Variants in NCOA2 observed in about 807,000 individuals in gnomAD.
NCOA2 encodes class E basic helix-loop-helix protein 75.
In NCOA2, 21 loss-of-function variants were observed where a neutral mutation model predicts 145.1. That is an observed-to-expected ratio of 0.14 (90% CI 0.10 to 0.21). NCOA2 has a LOEUF of 0.21. Ranked by LOEUF, NCOA2 falls within the 10% of genes least tolerant of loss-of-function variation. NCOA2 has a pLI of 1.00. For missense variants in NCOA2, 1,472 were observed against 1,837.6 expected (o/e 0.80, Z 3.64); for synonymous variants, 619 against 637.5 (o/e 0.97, Z 0.44).
At chr8:70,192,129 G>T (rs1816760729) in intron 4 of NCOA2, among the ~76,000 whole-genome samples, 1 of 152,194 alleles carries the variant, frequency 6.6e-6, no homozygotes, top group Non-Finnish European at 1.5e-5. Context: ...GTATTTCAAA[G>T]AATACATTTC....
intron 4 of NCOA2, among the ~76,000 whole-genome samples, chr8:70,198,533 G>T (rs1280746183): frequency 2.0e-5 from 3 of 152,196 alleles, no homozygotes; most frequent in African/African-American, 2.4e-5. Flanking sequence ...AAAGTTAATG[G>T]TGATAGCAGC....
chr8:70,143,588 A>T (rs1810700805), intron 13 of NCOA2, among the ~76,000 whole-genome samples: 1 of 152,210 alleles, frequency 6.6e-6, no homozygotes, highest in Admixed American at 6.5e-5. Flanking sequence ...TATTTGCTGA[A>T]GGAAAAAGTT....
intron 22 of NCOA2, among the ~76,000 whole-genome samples, chr8:70,120,155 A>T (rs1360950343): frequency 1.3e-5 from 2 of 152,186 alleles, no homozygotes; most frequent in Admixed American, 6.5e-5. Context: ...TATATTATAG[A>T]TATTAGTCCC....
intron 2 of NCOA2, among the ~76,000 whole-genome samples, chr8:70,289,298 C>T (rs746715361): frequency 9.2e-5 from 14 of 152,186 alleles, no homozygotes; most frequent in African/African-American, 3.1e-4. Flanking sequence ...CCACTACTCT[C>T]TATATTCTAG....
intron 22 of NCOA2, among the ~76,000 whole-genome samples, chr8:70,117,376 T>C (rs1335122135): frequency 1.3e-5 from 2 of 152,340 alleles, no homozygotes; most frequent in Non-Finnish European, 2.9e-5. Flanking sequence ...GCACTATCCC[T>C]GGTAAATTCG....
intron 2 of NCOA2, among the ~76,000 whole-genome samples, chr8:70,244,056 G>A (rs887547376): frequency 1.3e-5 from 2 of 151,984 alleles, no homozygotes; most frequent in African/African-American, 2.4e-5. Flanking sequence ...AAAAGACAGC[G>A]AGAATTAATT....
At chr8:70,261,583 A>T (rs924073070) in intron 2 of NCOA2, among the ~76,000 whole-genome samples, 29 of 152,156 alleles carry the variant, frequency 1.9e-4, no homozygotes, top group Middle Eastern at 6.8e-3. Context: ...CTAAAACTTA[A>T]AGTATAATAA....
chr8:70,142,954 GTTTT>G (rs757671722), intron 13 of NCOA2, among the ~76,000 whole-genome samples: 1 of 140,466 alleles, frequency 7.1e-6, no homozygotes, highest in Admixed American at 7.1e-5. Context: ...TGTTTTTTTT[GTTTT>G]TTTTTTTTTG....
At chr8:70,226,006 CAT>C (rs1254912415) in intron 2 of NCOA2, among the ~76,000 whole-genome samples, 1 of 151,784 alleles carries the variant, frequency 6.6e-6, no homozygotes, top group African/African-American at 2.4e-5. Flanking sequence ...ATTTAATAAA[CAT>C]AAACTGTTAT....
rs373439127 is a variant in NCOA2 at position 70,401,088 on chromosome 8, AACACACACACACAT to A, written c.-77+2598_-77+2611del. ...CCTAACCTCACCAACAAAGAACAGG[AACACACACACACAT>A]ACACACACACACACGCGCACACACA... is the stretch of plus-strand genomic sequence containing the variant. On this transcript the variant is annotated intron_variant, in intron 1 of 22. Coordinates refer to ENST00000452400, the MANE Select transcript of NCOA2 (RefSeq NM_006540.4). Among the ~76,000 whole-genome samples the A allele has an allele frequency of 3.6e-3, 545 of 152,018 alleles. 3 individuals are homozygous for A. The highest frequency in any genetic ancestry group is 0.013 in the African/African-American group (526 of 41,460).
chr8:70,158,614 G>A (rs2132280921), intron 10 of NCOA2, among the ~76,000 whole-genome samples: 1 of 152,284 alleles, frequency 6.6e-6, no homozygotes, highest in South Asian at 2.1e-4. Flanking sequence ...GATCACTCAA[G>A]GCTGGCGCAT....
the NCOA2 span, among the ~76,000 whole-genome samples, chr8:70,436,503 T>C: frequency 6.6e-6 from 1 of 152,216 alleles, no homozygotes; most frequent in African/African-American, 2.4e-5. Flanking sequence ...CGTGTTCCCA[T>C]ATCAGTAAGC....
In NCOA2 at chr8:70,156,035, C is replaced by T. The variant is rs763468289; in HGVS notation, c.2330G>A (p.Ser777Asn). 6.2e-7 allele frequency: 1 copy of T among 1,606,842 alleles called. No individual in the cohort carries two copies. Among genetic ancestry groups the T allele is most frequent in the Non-Finnish European group, 8.5e-7 (1 of 1,177,808 alleles). ...TTTCATTGCTATTAATTTTGTGTTACTGGCAGGATCTGTCTTACTGTCCAG... is the reference window on the plus strand; with the variant it reads ...TTTCATTGCTATTAATTTTGTGTTATTGGCAGGATCTGTCTTACTGTCCAG... The part of the protein sequence containing the change: ...ERLDSKTDPA[S>N]NTKLIAMKTE... Residue 777 changes from serine (S) to asparagine (N), a missense_variant, in exon 11 of 23, where the codon AGT becomes AAT. By Grantham distance (46) the Ser-to-Asn change is conservative. Around this residue, in one of 4 missense-constraint regions of NCOA2, gnomAD observed 953 missense variants for 1,062.1 expected, o/e 0.90. Coordinates refer to ENST00000452400, the MANE Select transcript of NCOA2 (RefSeq NM_006540.4).
chr8:70,234,351 C>T (rs1821412828), intron 2 of NCOA2, among the ~76,000 whole-genome samples: 1 of 152,186 alleles, frequency 6.6e-6, no homozygotes, highest in Non-Finnish European at 1.5e-5. Flanking sequence ...CAGATGTATG[C>T]TTTCCATTCT....
intron 2 of NCOA2, among the ~76,000 whole-genome samples, chr8:70,280,015 C>A (rs1479782024): frequency 6.6e-6 from 1 of 152,186 alleles, no homozygotes; most frequent in African/African-American, 2.4e-5. Context: ...ACACTTGCAG[C>A]CAAGGAGTCC....
chr8:70,426,326 A>G, the NCOA2 span, among the ~76,000 whole-genome samples: 1 of 152,252 alleles, frequency 6.6e-6, no homozygotes, highest in Non-Finnish European at 1.5e-5. Flanking sequence ...AAACTAAGAA[A>G]CAAAATAACT....
the NCOA2 span, among the ~76,000 whole-genome samples, chr8:70,435,945 C>T: frequency 6.6e-6 from 1 of 152,030 alleles, no homozygotes; most frequent in African/African-American, 2.4e-5. Context: ...ACTACAGGTG[C>T]GTGCCACGAC....
chr8:70,241,280 T>A (rs1279517039), intron 2 of NCOA2, among the ~76,000 whole-genome samples: 1 of 152,156 alleles, frequency 6.6e-6, no homozygotes, highest in Non-Finnish European at 1.5e-5. Flanking sequence ...ATCCCAGAAC[T>A]ACAAAGCTTC....
intron 2 of NCOA2, among the ~76,000 whole-genome samples, chr8:70,225,206 TA>T (rs1332737865): frequency 6.6e-6 from 1 of 151,942 alleles, no homozygotes; most frequent in Non-Finnish European, 1.5e-5. Flanking sequence ...TGGGGAATAG[TA>T]AAACAAACAA....
Sources: allele counts gnomAD v4.1 joint callset (sites outside exome capture counted in the v4.1 genomes callset), GRCh38; gene constraint gnomAD v4.1.1; regional missense constraint gnomAD v4.1.1; transcripts MANE v1.5; gene names NCBI Gene and HGNC (gene_info 2026-07-23, HGNC 2026-07-21).